MMP26: variants seen among roughly 807,000 people sequenced by gnomAD.
MMP26 encodes matrix metallopeptidase 26.
MMP26 carries 33 observed loss-of-function variants against 31.0 expected under a neutral mutation model. The ratio of observed to expected loss-of-function variants is 1.06; its 90% CI spans 0.81 to 1.42. The LOEUF is 1.42. Among genes scored for constraint, MMP26 ranks in the 40% most tolerant of loss-of-function variants. The pLI, the probability that MMP26 is intolerant of heterozygous loss-of-function variation, is 0.00. For missense variants in MMP26, 347 were observed against 316.1 expected (o/e 1.10, Z -0.74); for synonymous variants, 122 against 114.9 (o/e 1.06, Z -0.40).
At chr11:4,844,539 A>G (rs1175991117) in intron 2 of MMP26, among the ~76,000 whole-genome samples, 1 of 152,130 alleles carries the variant, frequency 6.6e-6, no homozygotes, top group African/African-American at 2.4e-5. Flanking sequence ...CTGAATTCAA[A>G]AAAACATTAG....
At chr11:4,966,506 C>T (rs1464742089) in intron 2 of MMP26, among the ~76,000 whole-genome samples, 1 of 152,104 alleles carries the variant, frequency 6.6e-6, no homozygotes, top group Non-Finnish European at 1.5e-5. Context: ...AAGATTCTTG[C>T]TAAATTGAAC....
At chr11:4,864,015 C>T (rs1240020793) in intron 2 of MMP26, among the ~76,000 whole-genome samples, 1 of 152,154 alleles carries the variant, frequency 6.6e-6, no homozygotes, top group East Asian at 1.9e-4. Flanking sequence ...ACTTACAATT[C>T]CAGCCCAATT....
intron 1 of MMP26, among the ~76,000 whole-genome samples, chr11:4,714,920 T>TCACA (rs66913726): frequency 0.014 from 1,989 of 141,732 alleles, 30 homozygotes; most frequent in South Asian, 0.048. Flanking sequence ...TCTCTCTCTC[T>TCACA]CACACACACA....
chr11:4,860,521 A>G (rs780017419), intron 2 of MMP26: 52 of 470,604 alleles, frequency 1.1e-4, no homozygotes, highest in Non-Finnish European at 2.2e-4. Context: ...ACCTGTCAGA[A>G]TGAAGTTACG....
chr11:4,964,257 G>A (rs1211692302), intron 2 of MMP26, among the ~76,000 whole-genome samples: 3 of 152,142 alleles, frequency 2.0e-5, no homozygotes, highest in Non-Finnish European at 4.4e-5. Flanking sequence ...TTACAGGTAA[G>A]TCTTTAATCC....
chr11:4,864,128 T>G (rs1333501538), intron 2 of MMP26, among the ~76,000 whole-genome samples: 1 of 152,130 alleles, frequency 6.6e-6, no homozygotes, highest in East Asian at 1.9e-4. Flanking sequence ...TTGGAACGGA[T>G]AGAATGATTG....
chr11:4,860,695 G>T (rs895174305), intron 2 of MMP26: 1 of 320,090 alleles, frequency 3.1e-6, no homozygotes, highest in African/African-American at 2.2e-5. Flanking sequence ...AAAGAATAAA[G>T]TTAAAAAACA....
intron 1 of MMP26, among the ~76,000 whole-genome samples, chr11:4,761,058 A>T (rs1362424684): frequency 6.6e-6 from 1 of 152,178 alleles, no homozygotes; most frequent in Non-Finnish European, 1.5e-5. Flanking sequence ...GGGTGAGTGG[A>T]GTTAGAAGCT....
At chr11:4,723,495 C>T in intron 1 of MMP26, 1 of 1,121,226 alleles carries the variant, frequency 8.9e-7, no homozygotes, top group African/African-American at 1.5e-5. Context: ...CTGGGATCTC[C>T]TCTTCATACA....
chr11:4,825,867 A>G (rs1849572148), intron 2 of MMP26, among the ~76,000 whole-genome samples: 1 of 152,182 alleles, frequency 6.6e-6, no homozygotes, highest in African/African-American at 2.4e-5. Context: ...CACCTCATTG[A>G]GTTTGATGCT....
At chr11:4,729,551 A>G (rs1280597577) in intron 1 of MMP26, among the ~76,000 whole-genome samples, 2 of 152,180 alleles carry the variant, frequency 1.3e-5, no homozygotes, top group African/African-American at 4.8e-5. Context: ...TACGGTTAAC[A>G]TGGAAGGCTG....
intron 2 of MMP26, chr11:4,946,616 G>A: frequency 3.2e-6 from 5 of 1,567,966 alleles, no homozygotes; most frequent in Middle Eastern, 1.7e-4. Flanking sequence ...TAAAGTGAAA[G>A]GGAAGGGAAG....
In MMP26 at chr11:4,854,349, G is replaced by A. The variant is rs117869397; in HGVS notation, c.-145+87008G>A. On this transcript the variant is annotated intron_variant, in intron 2 of 7. Transcript: ENST00000380390. ...TGTGACAGATGGTACCAGGAAAATC[G>A]GGACACTCCTACCCTAATACTGCGC... is the stretch of plus-strand genomic sequence containing the variant. 8.5e-3 allele frequency among the ~76,000 whole-genome samples: 1,301 copies of A among 152,252 alleles called. 62 individuals carry two copies. Among genetic ancestry groups the A allele is most frequent in the Admixed American group, 0.07 (1,066 of 15,290 alleles).
chr11:4,922,506 C>T (rs1034149517), intron 2 of MMP26, among the ~76,000 whole-genome samples: 16 of 152,036 alleles, frequency 1.1e-4, no homozygotes, highest in Non-Finnish European at 2.4e-4. Context: ...ACAAGCATGA[C>T]ACAGCAGATT....
At chr11:4,883,958 T>C (rs1222663794) in intron 2 of MMP26, among the ~76,000 whole-genome samples, 2 of 152,068 alleles carry the variant, frequency 1.3e-5, no homozygotes, top group African/African-American at 4.8e-5. Flanking sequence ...CTCCTCCCCT[T>C]ATATAAACTT....
intron 2 of MMP26, among the ~76,000 whole-genome samples, chr11:4,817,540 T>C (rs1403206385): frequency 6.6e-6 from 1 of 152,156 alleles, no homozygotes; most frequent in Non-Finnish European, 1.5e-5. Flanking sequence ...TGAGCCATGA[T>C]TCTGCCATTG....
At chr11:4,783,365 G>C (rs1294241335) in intron 2 of MMP26, among the ~76,000 whole-genome samples, 1 of 152,188 alleles carries the variant, frequency 6.6e-6, no homozygotes, top group African/African-American at 2.4e-5. Flanking sequence ...TTTGTGTGGG[G>C]CTTGTAACCC....
chr11:4,818,555 T>G (rs755066537), intron 2 of MMP26, among the ~76,000 whole-genome samples: 5 of 152,174 alleles, frequency 3.3e-5, no homozygotes, highest in Non-Finnish European at 7.4e-5. Flanking sequence ...CATTTGTGCC[T>G]TTCATCTTTG....
chr11:4,707,283 A>G (rs557256723), intron 1 of MMP26, among the ~76,000 whole-genome samples: 10 of 152,250 alleles, frequency 6.6e-5, no homozygotes, highest in African/African-American at 2.4e-4. Context: ...TGTGATTAGT[A>G]ATGTTGAGCA....
Sources: gnomAD v4.1 joint callset for allele counts (sites outside exome capture counted in the v4.1 genomes callset) on GRCh38, gnomAD v4.1.1 for gene constraint, MANE v1.5 for transcripts, NCBI Gene and HGNC (gene_info 2026-07-23, HGNC 2026-07-21) for gene names.